The following MAGED1 variants were observed in gnomAD, a reference collection of about 807,000 sequenced individuals.
MAGED1 encodes the protein MAGE family member D1.
MAGED1 carries 3 observed loss-of-function variants against 54.1 expected under a neutral mutation model. That is an observed-to-expected ratio of 0.06 (90% CI 0.03 to 0.14). The LOEUF (loss-of-function observed/expected upper bound fraction) is 0.14. MAGED1 is among the 10% of genes least tolerant of loss of function. The probability of loss-of-function intolerance (pLI) is 1.00; values close to 1 mark genes in which losing one functional copy is unlikely to be tolerated. For missense variants in MAGED1, 485 were observed against 623.4 expected, an observed-to-expected ratio of 0.78 and a Z score of 2.36; for synonymous variants, 217 against 227.3, an observed-to-expected ratio of 0.95 and a Z score of 0.41.
chrX:51,894,873 C>G (rs1557363974), intron 2 of MAGED1, 180 bp from the exon 3 acceptor site: 1 of 1,026,587 alleles, frequency 9.7e-7, no homozygotes, highest in East Asian at 3.1e-5. Flanking sequence ...ATGTTTAGTA[C>G]CCGCCTGGTC....
upstream of MAGED1, among the ~76,000 whole-genome samples, chrX:51,890,901 G>A (rs782729129): frequency 2.8e-5 from 3 of 108,904 alleles, no homozygotes; most frequent in Admixed American, 9.8e-5. Context: ...CTGGTGTCAC[G>A]GAAATAAAGA....
upstream of MAGED1, among the ~76,000 whole-genome samples, chrX:51,892,126 G>A (rs782170419): frequency 2.7e-5 from 3 of 112,374 alleles, no homozygotes; most frequent in Non-Finnish European, 5.6e-5. Flanking sequence ...GATCTGTCTT[G>A]AATTTTGGAA....
chrX:51,893,597 T>C (rs908600461), upstream of MAGED1: 4 of 113,642 alleles, frequency 3.5e-5, no homozygotes. Flanking sequence ...GTGGGTGGTA[T>C]ATTAGGCGAA....
chrX:51,896,870 G>A lies in MAGED1; in HGVS notation c.1215G>A (p.Pro405=), dbSNP rs781792999. 4.8e-5 allele frequency: 58 copies of A among 1,201,703 alleles called. No homozygotes were observed. Among genetic ancestry groups the A allele is most frequent in the South Asian group, 9.0e-5 (5 of 55,423 alleles). The change falls in exon 4 of 13, where the codon CCG becomes CCA. Residue 405 remains proline, a synonymous_variant. Transcript: ENST00000326587. ...PPDWQGPPDW[P]LPPDWPLPPD... ...ACTGGCAAGGTCCTCCTGACTGGCC[G>A]CTACCACCCGACTGGCCACTGCCAC...
At chrX:51,898,368 C>T in intron 9 of MAGED1, 41 bp downstream of exon 9, 2 of 1,193,513 alleles carry the variant, frequency 1.7e-6, no homozygotes, top group Non-Finnish European at 2.3e-6. Context: ...TTTGTGCCAT[C>T]CTTTGGCAAC....
chrX:51,886,048 T>C (rs1557362788), intron 1 of MAGED1, among the ~76,000 whole-genome samples: 1 of 101,390 alleles, frequency 9.9e-6, no homozygotes, highest in African/African-American at 3.7e-5. Context: ...TTACATATTC[T>C]CACTTATATG....
intron 1 of MAGED1, among the ~76,000 whole-genome samples, chrX:51,841,200 T>G (rs1203664725): frequency 9.0e-6 from 1 of 111,127 alleles, no homozygotes; most frequent in Non-Finnish European, 1.9e-5. Context: ...GATGAGCATT[T>G]CTTCATGTGT....
At chrX:51,850,873 C>T (rs969417869) in intron 1 of MAGED1, among the ~76,000 whole-genome samples, 1 of 110,852 alleles carries the variant, frequency 9.0e-6, no homozygotes, top group Non-Finnish European at 1.9e-5. Context: ...GCACTCCAGC[C>T]TGGGCGACAA....
chrX:51,897,918 T>A (rs1557364505), intron 7 of MAGED1, 32 bp downstream of exon 7: 1 of 1,081,985 alleles, frequency 9.2e-7, no homozygotes, highest in Admixed American at 2.3e-5. Context: ...AACATGGCCT[T>A]TCTCAGTGGT....
chrX:51,897,892 A>C lies in MAGED1; in HGVS notation c.1658+6A>C. The C allele has an allele frequency of 1.7e-6, 2 of 1,165,902 alleles. No homozygotes were observed. Among genetic ancestry groups the C allele is most frequent in the Non-Finnish European group, 2.3e-6 (2 of 856,301 alleles). ...CTGGCTGGCATACTGGGAACGTAAG[A>C]TGGGAAAGAAGGTGGAACATGGCCT... On this transcript the variant is annotated splice_donor_region_variant and intron_variant, in intron 7 of 12. Transcript: ENST00000326587.
chrX:51,876,703 G>A (rs782067157), intron 1 of MAGED1, among the ~76,000 whole-genome samples: 2 of 111,566 alleles, frequency 1.8e-5, no homozygotes, highest in South Asian at 7.7e-4. Flanking sequence ...AAGGCCCGTA[G>A]GATTGTGTTC....
intron 1 of MAGED1, among the ~76,000 whole-genome samples, chrX:51,873,695 C>A (rs1927775027): frequency 9.0e-6 from 1 of 110,849 alleles, no homozygotes; most frequent in Non-Finnish European, 1.9e-5. Flanking sequence ...AAGCCCAGGA[C>A]CTCCACAATT....
rs781916623 is a variant in MAGED1, at chrX:51,821,831, T to A, written c.-37+18714T>A. 1.2e-4 allele frequency among the ~76,000 whole-genome samples: 13 copies of A among 112,313 alleles called. No individual in the cohort carries two copies. The East Asian group carries it at 3.6e-3, about 31-fold the overall frequency. On this transcript the variant is annotated intron_variant, in intron 1 of 12. Coordinates refer to the MAGED1 transcript ENST00000375772. ...GGCTTAATCAAAGGCTTTTTCTATA[T>A]CCATTGAGATGGTCATGTGGTTTTC...
At chrX:51,869,427 A>G (rs781904312) in intron 1 of MAGED1, among the ~76,000 whole-genome samples, 75 of 112,015 alleles carry the variant, frequency 6.7e-4, no homozygotes, top group East Asian at 2.0e-3. Context: ...ATCCATTTTC[A>G]CACTGCTATA....
chrX:51,816,671 C>T (rs1194688870), intron 1 of MAGED1, among the ~76,000 whole-genome samples: 1 of 109,921 alleles, frequency 9.1e-6, no homozygotes, highest in Non-Finnish European at 1.9e-5. Flanking sequence ...ATGAAATCAC[C>T]TAATGACACA....
At chrX:51,822,295 G>T (rs913043863) in intron 1 of MAGED1, among the ~76,000 whole-genome samples, 1 of 111,507 alleles carries the variant, frequency 9.0e-6, no homozygotes, top group Non-Finnish European at 1.9e-5. Context: ...TTTTCTAGGA[G>T]TTTGTTTTAT....
intron 6 of MAGED1, 63 bp from the exon 7 acceptor site, chrX:51,897,732 T>A (rs1318807365): frequency 1.9e-6 from 2 of 1,057,142 alleles, no homozygotes. Context: ...GAGATGAGTG[T>A]CTGCCTATGG....
At chrX:51,841,216 G>C (rs1220626689) in intron 1 of MAGED1, among the ~76,000 whole-genome samples, 1 of 111,007 alleles carries the variant, frequency 9.0e-6, no homozygotes, top group African/African-American at 3.3e-5. Flanking sequence ...TGTGTGTTTT[G>C]GCTGCATAAA....
chrX:51,898,736 C>T (rs1928875358), intron 10 of MAGED1, 93 bp downstream of exon 10: 1 of 834,231 alleles, frequency 1.2e-6, no homozygotes, highest in Admixed American at 3.3e-5. Context: ...GATACAATGG[C>T]TCATGCCTGT....
Sources: allele counts gnomAD v4.1 joint callset (sites outside exome capture counted in the v4.1 genomes callset), GRCh38; gene constraint gnomAD v4.1.1; transcripts MANE v1.5; gene names NCBI Gene and HGNC (gene_info 2026-07-23, HGNC 2026-07-21).